The following SLC9C2 variants were observed in gnomAD, a reference collection of about 807,000 sequenced individuals.
The protein encoded by SLC9C2 is solute carrier family 9 member C2 (putative), also known as sodium/hydrogen exchanger 11.
Under a neutral mutation model 140.2 loss-of-function variants are expected in SLC9C2, and 75 were observed. That is an observed-to-expected ratio of 0.53 (90% confidence interval 0.44 to 0.65). SLC9C2 has a LOEUF of 0.65. Ranked by LOEUF, SLC9C2 falls within the 30% of genes least tolerant of loss-of-function variation. SLC9C2 has a pLI of 0.00. For synonymous variants in SLC9C2, 375 were observed against 420.9 expected (o/e 0.89, Z 1.34); for missense variants, 1,074 against 1,331.8 (o/e 0.81, Z 3.01).
At chr1:173,522,863 G>A (rs531628712) in intron 21 of SLC9C2, among the ~76,000 whole-genome samples, 5 of 152,288 alleles carry the variant, frequency 3.3e-5, no homozygotes, top group African/African-American at 9.6e-5. Flanking sequence ...TTTGCCTGGA[G>A]TGCTCTTCTG....
chr1:173,542,527 G>A (rs1194249693), intron 13 of SLC9C2, among the ~76,000 whole-genome samples: 1 of 152,152 alleles, frequency 6.6e-6, no homozygotes, highest in Non-Finnish European at 1.5e-5. Flanking sequence ...GTGTCATCCT[G>A]ATACCAAAGC....
rs768014307 is a variant in SLC9C2, at chr1:173,587,668, T to C, written c.520A>G (p.Ile174Val). ...PLRSVNSLKT[I>V]GISKIYIDLI... ...GAGAGAAATAAATGTGACATACCAATAGTTTTTAGTGAATTCACAGAACGA... is the reference window on the plus strand; with the variant it reads ...GAGAGAAATAAATGTGACATACCAACAGTTTTTAGTGAATTCACAGAACGA... Residue 174 changes from isoleucine to valine, a missense_variant, in exon 5 of 28, where the codon ATT (isoleucine) becomes GTT (valine). Transcript: ENST00000367714. 6.2e-7 allele frequency: 1 copy of C among 1,608,682 alleles called. No homozygotes were observed. The highest frequency in any genetic ancestry group is 1.1e-5 in the South Asian group (1 of 90,400).
chr1:173,554,597 A>G (rs1457231369), intron 11 of SLC9C2, 136 bp downstream of exon 11: 3 of 660,118 alleles, frequency 4.5e-6, no homozygotes, highest in African/African-American at 1.8e-5. Context: ...CAGCATCTAA[A>G]TATATGAATA....
At chr1:173,507,117 A>T (rs1263582316) in intron 24 of SLC9C2, 76 bp from the exon 25 acceptor site, 2 of 1,147,436 alleles carry the variant, frequency 1.7e-6, no homozygotes, top group Non-Finnish European at 2.5e-6. Context: ...AGATTTACTG[A>T]TCTATCTGAA....
chr1:173,502,831 A>G (rs748422277), intron 27 of SLC9C2, among the ~76,000 whole-genome samples: 1 of 152,228 alleles, frequency 6.6e-6, no homozygotes, highest in African/African-American at 2.4e-5. Context: ...AGGATCCTCA[A>G]GTAAAACTGG....
intron 9 of SLC9C2, among the ~76,000 whole-genome samples, chr1:173,563,628 G>A (rs1043146777): frequency 2.6e-5 from 4 of 152,026 alleles, no homozygotes; most frequent in Admixed American, 2.0e-4. Context: ...CATTTGATAC[G>A]GGGCATGCAA....
At chr1:173,505,022 G>A (rs746776436) in intron 26 of SLC9C2, among the ~76,000 whole-genome samples, 5 of 152,206 alleles carry the variant, frequency 3.3e-5, no homozygotes, top group Non-Finnish European at 5.9e-5. Flanking sequence ...AGTGTATGGA[G>A]GGAGGGACAT....
intron 2 of SLC9C2, among the ~76,000 whole-genome samples, chr1:173,601,079 A>T (rs1666747536): frequency 6.6e-6 from 1 of 152,162 alleles, no homozygotes. Flanking sequence ...CTTATTTGTG[A>T]AGCCTTTCCT....
chr1:173,531,953 G>A (rs191237006), intron 17 of SLC9C2, among the ~76,000 whole-genome samples: 2 of 152,236 alleles, frequency 1.3e-5, no homozygotes, highest in South Asian at 2.1e-4. Context: ...TTTACATGAC[G>A]GTGGAGTTAC....
chr1:173,509,563 C>T lies in SLC9C2; in HGVS notation c.3039+5G>A. 2 of 1,528,138 alleles carry T rather than the reference C, an allele frequency of 1.3e-6. No individual in the cohort carries two copies. The highest frequency in any genetic ancestry group is 1.8e-6 in the Non-Finnish European group (2 of 1,141,100). The allele number at this position is 1,528,138 out of a possible 1,614,324, so 94.7% of individuals were successfully genotyped here. A position where few individuals can be genotyped will look rare whatever the true frequency, so the allele number is the denominator to read the frequency against. On this transcript the variant is annotated splice_donor_5th_base_variant and intron_variant, in intron 24 of 27. Coordinates refer to ENST00000367714, the MANE Select transcript of SLC9C2 (RefSeq NM_178527.4). Reference sequence around the variant, plus strand: ...ATTTATTAATATTTTAATCACATAACTTACCTCATCAATAAGACTTGATTC... The same window carrying T: ...ATTTATTAATATTTTAATCACATAATTTACCTCATCAATAAGACTTGATTC...
chr1:173,580,086 A>G (rs573619012), intron 7 of SLC9C2, among the ~76,000 whole-genome samples: 1 of 152,334 alleles, frequency 6.6e-6, no homozygotes, highest in South Asian at 2.1e-4. Context: ...AAGGGAAAAA[A>G]GCTTTTTAAA....
At chr1:173,516,884 C>G (rs900032745) in intron 23 of SLC9C2, among the ~76,000 whole-genome samples, 1 of 152,172 alleles carries the variant, frequency 6.6e-6, no homozygotes, top group African/African-American at 2.4e-5. Context: ...TTTGAGGAAA[C>G]GTCACACTGT....
intron 8 of SLC9C2, among the ~76,000 whole-genome samples, chr1:173,573,624 T>C (rs1165483371): frequency 6.6e-6 from 1 of 152,164 alleles, no homozygotes. Flanking sequence ...TTCTCTGGGA[T>C]TCAGTGGGAG....
rs527369337 is a variant in SLC9C2 at position 173,551,480 on chromosome 1, G to A, written c.1298-2928C>T. 5.9e-5 allele frequency among the ~76,000 whole-genome samples: 9 copies of A among 152,282 alleles called. No individual in the cohort carries two copies. The South Asian group carries it at 1.2e-3, about 21-fold the overall frequency. On this transcript the variant is annotated intron_variant, in intron 11 of 27. Transcript: ENST00000367714. ...CAAATTGAAGGTCTGCAGCAACCCT[G>A]CATCTAGCAAGTCTATCAGCACCAT...
At chr1:173,511,520 A>T (rs1443400947) in intron 23 of SLC9C2, among the ~76,000 whole-genome samples, 3 of 151,814 alleles carry the variant, frequency 2.0e-5, no homozygotes, top group Non-Finnish European at 2.9e-5. Context: ...TTTTTCTTGT[A>T]AATTTGTTTA....
At chr1:173,545,006 T>A (rs1357824741) in intron 13 of SLC9C2, among the ~76,000 whole-genome samples, 1 of 152,098 alleles carries the variant, frequency 6.6e-6, no homozygotes, top group East Asian at 1.9e-4. Flanking sequence ...TAAAGTATAA[T>A]TTAAAAAAAA....
At chr1:173,504,201 C>T (rs1209450244) in intron 26 of SLC9C2, among the ~76,000 whole-genome samples, 1 of 152,160 alleles carries the variant, frequency 6.6e-6, no homozygotes, top group Admixed American at 6.5e-5. Context: ...CTCCCTAAAT[C>T]ACAGTGCTGC....
intron 5 of SLC9C2, among the ~76,000 whole-genome samples, chr1:173,584,085 A>C (rs559406010): frequency 1.3e-5 from 2 of 152,334 alleles, no homozygotes; most frequent in South Asian, 4.1e-4. Flanking sequence ...TAGGAGCTAA[A>C]AGGTGGAAAC....
chr1:173,560,442 C>T (rs1664032497), intron 9 of SLC9C2, among the ~76,000 whole-genome samples: 1 of 152,192 alleles, frequency 6.6e-6, no homozygotes, highest in South Asian at 2.1e-4. Flanking sequence ...TAGCCCTTGG[C>T]CAATGACTGC....
Sources: allele counts gnomAD v4.1 joint callset (sites outside exome capture counted in the v4.1 genomes callset), GRCh38; gene constraint gnomAD v4.1.1; transcripts MANE v1.5; gene names NCBI Gene and HGNC (gene_info 2026-07-23, HGNC 2026-07-21).